Variants in NCAM1 observed in about 807,000 individuals in gnomAD.
NCAM1 encodes neural cell adhesion molecule 1.
In NCAM1, 14 loss-of-function variants were observed where a neutral mutation model predicts 109.8. The observed-to-expected ratio is 0.13, with a 90% CI of 0.08 to 0.20. NCAM1 has a LOEUF of 0.20. Ranked by LOEUF, NCAM1 falls within the 10% of genes least tolerant of loss-of-function variation. NCAM1 has a pLI of 1.00. For missense variants in NCAM1, 774 were observed against 1,109.9 expected, an observed-to-expected ratio of 0.70 and a Z score of 4.30; for synonymous variants, 418 against 442.9, an observed-to-expected ratio of 0.94 and a Z score of 0.70.
At chr11:113,067,806 T>C (rs1261930475) in intron 1 of NCAM1, among the ~76,000 whole-genome samples, 13 of 152,136 alleles carry the variant, frequency 8.5e-5, no homozygotes, top group African/African-American at 3.1e-4. Flanking sequence ...AGAAATGTCG[T>C]GTTAACAAAG....
In NCAM1 at chr11:113,186,300, G is replaced by A. The variant is rs181929379; in HGVS notation, c.53-16079G>A. Among the ~76,000 whole-genome samples, 644 of 152,258 alleles carry A rather than the reference G, an allele frequency of 4.2e-3. 3 individuals are homozygous for A. The highest frequency in any genetic ancestry group is 4.9e-3 in the Non-Finnish European group (334 of 68,022). ...GATTCTCATAGAAGTGCGTGCGAGGGTTCTAGGTTGTATGCTGCTTATGAA... is the reference window on the plus strand; with the variant it reads ...GATTCTCATAGAAGTGCGTGCGAGGATTCTAGGTTGTATGCTGCTTATGAA... On this transcript the variant is annotated intron_variant, in intron 1 of 19. Coordinates refer to ENST00000316851, the MANE Select transcript of NCAM1 (RefSeq NM_181351.5).
chr11:112,990,553 C>T (rs1951431529), intron 1 of NCAM1, among the ~76,000 whole-genome samples: 1 of 152,084 alleles, frequency 6.6e-6, no homozygotes, highest in South Asian at 2.1e-4. Context: ...CTCTCTGGGA[C>T]CCTAGTAGAT....
Position 113,164,773 on chromosome 11 carries a change from C to T in NCAM1, c.53-37606C>T, listed in dbSNP as rs1042051907. Among the ~76,000 whole-genome samples, 4 of 152,074 alleles carry T rather than the reference C, an allele frequency of 2.6e-5. No homozygotes were observed. In the South Asian group the frequency reaches 6.2e-4, roughly 24 times the overall value. On this transcript the variant is annotated intron_variant, in intron 1 of 19. Transcript: ENST00000316851. ...CAGAAACCCTCTGAACCCTGCACTT[C>T]AGAGATTTTTATGGAGGCTTCATCA...
At chr11:112,968,317 A>G (rs533663281) in intron 1 of NCAM1, among the ~76,000 whole-genome samples, 58 of 152,326 alleles carry the variant, frequency 3.8e-4, no homozygotes, top group African/African-American at 1.3e-3. Context: ...AGCAATTGCT[A>G]TTATTATTCA....
At chr11:113,015,135 T>A (rs1402007309) in intron 1 of NCAM1, among the ~76,000 whole-genome samples, 3 of 152,216 alleles carry the variant, frequency 2.0e-5, no homozygotes, top group African/African-American at 7.2e-5. Context: ...TTACAGCTTC[T>A]CTTCTTGCAC....
chr11:113,147,848 A>G (rs1942073202), intron 1 of NCAM1, among the ~76,000 whole-genome samples: 1 of 152,152 alleles, frequency 6.6e-6, no homozygotes, highest in Non-Finnish European at 1.5e-5. Context: ...CATCCACATT[A>G]CGCCATGAAA....
chr11:113,096,749 C>A (rs1377805818), intron 1 of NCAM1, among the ~76,000 whole-genome samples: 3 of 152,062 alleles, frequency 2.0e-5, no homozygotes, highest in African/African-American at 7.2e-5. Flanking sequence ...GGGTTCAGAG[C>A]CCTCATCCCA....
Position 113,204,511 on chromosome 11 carries a change from G to A in NCAM1, c.346+7G>A. The A allele has an allele frequency of 3.1e-6, 5 of 1,613,360 alleles. No homozygotes were observed. Among genetic ancestry groups the A allele is most frequent in the Non-Finnish European group, 4.2e-6 (5 of 1,179,450 alleles). On this transcript the variant is annotated splice_region_variant and intron_variant, in intron 3 of 19. Transcript: ENST00000316851. ...GTCAACGTGAAGATCTTTCGTAAGA[G>A]CCTCCTTCTTCTTCTGCATTCTCTG...
chr11:113,212,159 A>C (rs1294154957), intron 7 of NCAM1, among the ~76,000 whole-genome samples: 2 of 152,138 alleles, frequency 1.3e-5, no homozygotes, highest in Non-Finnish European at 2.9e-5. Flanking sequence ...GTCACTCTCA[A>C]GAGAGTCCCA....
chr11:113,263,407 G>A, intron 17 of NCAM1: 2 of 988,646 alleles, frequency 2.0e-6, no homozygotes, highest in Non-Finnish European at 2.4e-6. Context: ...TTGCAATTAA[G>A]CATTTAAGTG....
chr11:113,161,407 C>T (rs1450489508), intron 1 of NCAM1, among the ~76,000 whole-genome samples: 1 of 152,004 alleles, frequency 6.6e-6, no homozygotes, highest in African/African-American at 2.4e-5. Flanking sequence ...ACCCTGTGCC[C>T]CCGAAAGAGT....
intron 1 of NCAM1, among the ~76,000 whole-genome samples, chr11:113,201,695 AG>A (rs1555111834): frequency 6.6e-6 from 1 of 152,234 alleles, no homozygotes; most frequent in Non-Finnish European, 1.5e-5. Flanking sequence ...CAAGGGACCC[AG>A]GGAATTCCAC....
intron 7 of NCAM1, among the ~76,000 whole-genome samples, chr11:113,212,508 G>A (rs1225488870): frequency 3.9e-5 from 6 of 152,164 alleles, no homozygotes; most frequent in Admixed American, 2.6e-4. Context: ...CGCAGGTCAG[G>A]AGAAGGTCAG....
rs1565498748 is a variant in NCAM1 at position 113,206,086 on chromosome 11, C to T, written c.534C>T (p.Gly178=). ...VLSNNYLQIR[G]IKKTDEGTYR... ...CCAACAACTACCTGCAGATCCGGGG[C>T]ATCAAGAAAACAGATGAGGGCACTT... Residue 178 remains glycine, a synonymous_variant, in exon 5 of 20, where the codon GGC becomes GGT. Transcript: ENST00000316851. 3 of 1,613,808 alleles carry T rather than the reference C, an allele frequency of 1.9e-6. No homozygotes were observed. Among genetic ancestry groups the T allele is most frequent in the Admixed American group, 1.7e-5 (1 of 60,010 alleles).
Position 113,073,022 on chromosome 11 carries a change from C to T in NCAM1, c.52+111358C>T, listed in dbSNP as rs182786922. 2.3e-4 allele frequency among the ~76,000 whole-genome samples: 35 copies of T among 152,228 alleles called. No homozygotes were observed. In the East Asian group the frequency reaches 5.6e-3, roughly 24 times the overall value. ...CCCATTAAACAATGTCCCCCTCCTC[C>T]CAGACCCTGGCAACCGCCGTTCTAC... On this transcript the variant is annotated intron_variant, in intron 1 of 19. Coordinates refer to ENST00000316851, the MANE Select transcript of NCAM1 (RefSeq NM_181351.5).
In NCAM1 at chr11:113,260,343, CTGTT is replaced by C. The variant is rs782458494; in HGVS notation, c.2131+26_2131+29del. On this transcript the variant is annotated intron_variant, in intron 17 of 19. Coordinates refer to ENST00000316851, the MANE Select transcript of NCAM1 (RefSeq NM_181351.5). ...TCCCAGGTATGGCTGCCTCTGCTTTCTGTTTGTTTCCGCTTTGAATTAATGCACA... is the reference window on the plus strand; with the variant it reads ...TCCCAGGTATGGCTGCCTCTGCTTTCTGTTTCCGCTTTGAATTAATGCACA... The C allele has an allele frequency of 1.2e-6, 2 of 1,606,512 alleles. No individual in the cohort carries two copies. The highest frequency in any genetic ancestry group is 2.2e-5 in the South Asian group (2 of 89,760).
At chr11:113,053,116 C>A (rs945737455) in intron 1 of NCAM1, among the ~76,000 whole-genome samples, 3 of 152,112 alleles carry the variant, frequency 2.0e-5, no homozygotes, top group African/African-American at 7.2e-5. Flanking sequence ...CTACACTGCT[C>A]CCACTTGTTC....
chr11:113,215,180 T>C (rs1265299163), intron 8 of NCAM1, among the ~76,000 whole-genome samples: 1 of 152,252 alleles, frequency 6.6e-6, no homozygotes, highest in African/African-American at 2.4e-5. Flanking sequence ...CGTGGATTTG[T>C]AGGCCACCAG....
intron 1 of NCAM1, among the ~76,000 whole-genome samples, chr11:113,192,783 G>T (rs986497644): frequency 6.6e-6 from 1 of 152,182 alleles, no homozygotes; most frequent in Non-Finnish European, 1.5e-5. Context: ...CCAGATTTCT[G>T]TTCCTGGTGT....
Sources: gnomAD v4.1 joint callset for allele counts (sites outside exome capture counted in the v4.1 genomes callset) on GRCh38, gnomAD v4.1.1 for gene constraint, MANE v1.5 for transcripts, NCBI Gene and HGNC (gene_info 2026-07-23, HGNC 2026-07-21) for gene names.